The following SYNE3 variants were observed in gnomAD, a reference collection of about 807,000 sequenced individuals.
The protein encoded by SYNE3 is nesprin-3.
In SYNE3, 100 loss-of-function variants were observed where a neutral mutation model predicts 111.2. That is an observed-to-expected ratio of 0.90 (90% CI 0.77 to 1.06). The LOEUF is 1.06. Ranked by LOEUF, SYNE3 falls within the 50% of genes least tolerant of loss-of-function variation. The probability of loss-of-function intolerance (pLI) is 0.00; values close to 1 mark genes in which losing one functional copy is unlikely to be tolerated. For missense variants in SYNE3, 1,160 were observed against 1,240.3 expected, an observed-to-expected ratio of 0.94 and a Z score of 0.97; for synonymous variants, 547 against 533.9, an observed-to-expected ratio of 1.02 and a Z score of -0.34.
intron 4 of SYNE3, among the ~76,000 whole-genome samples, chr14:95,464,118 G>T (rs1043679999): frequency 6.6e-6 from 1 of 152,162 alleles, no homozygotes; most frequent in African/African-American, 2.4e-5. Context: ...CCCTTAAACT[G>T]TCAGCATGAA....
At chr14:95,428,965 C>T (rs375477019) in intron 17 of SYNE3, among the ~76,000 whole-genome samples, 1 of 152,114 alleles carries the variant, frequency 6.6e-6, no homozygotes, top group South Asian at 2.1e-4. Flanking sequence ...TCCCCTTAGA[C>T]CAAAAATAAT....
At chr14:95,514,940 A>T (rs1890861199) in intron 1 of SYNE3, among the ~76,000 whole-genome samples, 1 of 152,236 alleles carries the variant, frequency 6.6e-6, no homozygotes, top group African/African-American at 2.4e-5. Flanking sequence ...TGGCTGCTGG[A>T]GAGCATGCAA....
At chr14:95,450,903 A>G (rs1224521237) in intron 7 of SYNE3, 1 of 152,218 alleles carries the variant, frequency 6.6e-6, no homozygotes, top group Admixed American at 6.5e-5. Context: ...TCTTCCAGTA[A>G]CGGAAAAATA....
Position 95,443,258 on chromosome 14 carries a change from G to T in SYNE3, c.1808C>A (p.Ala603Glu). The change falls in exon 11 of 18, where the codon GCA (alanine) becomes GAA (glutamate). Residue 603 changes from alanine to glutamate, a missense_variant. Coordinates refer to ENST00000682763, the MANE Select transcript of SYNE3 (RefSeq NM_152592.6). ...CAGAGGCCTTGCAGCCTCCATCTGT[G>T]CCCCCAAGTCCAGCCCCTCTTCCTG... ...GLQEEGLDLG[A>E]QMEAARPLVQ... is the part of the protein sequence containing the mutation. The T allele has an allele frequency of 1.2e-6, 2 of 1,614,214 alleles. No individual in the cohort carries two copies. The highest frequency in any genetic ancestry group is 4.5e-5 in the East Asian group (2 of 44,880).
At position 95,491,857 on chromosome 14, in the gene SYNE3, C is replaced by T. The variant is rs112973125; in HGVS notation, c.-14-16022G>A. Among the ~76,000 whole-genome samples, 967 of 150,084 alleles carry T rather than the reference C, an allele frequency of 6.4e-3. 13 individuals are homozygous for T. The highest frequency in any genetic ancestry group is 0.022 in the African/African-American group (913 of 41,008). On this transcript the variant is annotated intron_variant, in intron 1 of 17. Coordinates refer to ENST00000682763, the MANE Select transcript of SYNE3 (RefSeq NM_152592.6). ...ACAAAATTTTTGCAAATCACATATC[C>T]GATAAGGGACTTACATCTAGAAAAT... is the stretch of plus-strand genomic sequence containing the variant.
Position 95,414,402 on chromosome 14 carries a change from G to C in SYNE3, c.*3424C>G, listed in dbSNP as rs779051754. On this transcript the variant is annotated 3_prime_UTR_variant, in exon 18 of 18. Transcript: ENST00000682763. ...GCTCAAGCACCCACGAGCACCAAACGAGCACATTCTTTGTCTCCCTTGTCG... is the reference window on the plus strand; with the variant it reads ...GCTCAAGCACCCACGAGCACCAAACCAGCACATTCTTTGTCTCCCTTGTCG... 1 of 152,148 alleles carries C rather than the reference G, an allele frequency of 6.6e-6. No individual in the cohort carries two copies. The highest frequency in any genetic ancestry group is 1.5e-5 in the Non-Finnish European group (1 of 68,030). 9.4% of individuals were successfully genotyped at this position (152,148 alleles called of 1,614,324 possible).
chr14:95,419,669 AT>A (rs1335175421), intron 17 of SYNE3, among the ~76,000 whole-genome samples: 4 of 118,172 alleles, frequency 3.4e-5, no homozygotes, highest in African/African-American at 1.3e-4. Context: ...GTGATGCTTG[AT>A]GATGGTGGTG....
intron 1 of SYNE3, among the ~76,000 whole-genome samples, chr14:95,479,054 G>A (rs1235766212): frequency 1.3e-5 from 2 of 152,036 alleles, no homozygotes; most frequent in Non-Finnish European, 2.9e-5. Context: ...CTCTCTGGGT[G>A]TCCATATTCT....
intron 1 of SYNE3, among the ~76,000 whole-genome samples, chr14:95,484,533 G>A (rs941201475): frequency 6.6e-6 from 1 of 152,208 alleles, no homozygotes; most frequent in African/African-American, 2.4e-5. Context: ...AGAGCACTGA[G>A]CAGGGTACCA....
At chr14:95,445,830 T>C (rs1886679594) in intron 9 of SYNE3, 79 bp downstream of exon 9, 1 of 1,500,330 alleles carries the variant, frequency 6.7e-7, no homozygotes, top group East Asian at 2.3e-5. Context: ...GTTTAGAACA[T>C]AAGGCCATCT....
In SYNE3 at chr14:95,445,107, T is replaced by G. The variant is rs1886636578; in HGVS notation, c.1633-479A>C. Reference sequence around the variant, plus strand: ...TCTAGTAATTGCCTACTTATTTGTGTCTACCAGCAAAAGCTGTGAGTGTTT... The same window carrying G: ...TCTAGTAATTGCCTACTTATTTGTGGCTACCAGCAAAAGCTGTGAGTGTTT... On this transcript the variant is annotated intron_variant, in intron 9 of 17. Transcript: ENST00000682763. Among the ~76,000 whole-genome samples, 5 of 152,214 alleles carry G rather than the reference T, an allele frequency of 3.3e-5. 1 individual carries two copies. The South Asian group carries it at 1.0e-3, about 32-fold the overall frequency.
intron 10 of SYNE3, 29 bp downstream of exon 10, chr14:95,444,456 G>T (rs760783647): frequency 2.5e-6 from 4 of 1,582,084 alleles, no homozygotes; most frequent in Non-Finnish European, 3.4e-6. Flanking sequence ...ACCTGGGCAG[G>T]AGTGATTCAG....
chr14:95,477,631 G>A (rs17092489), intron 1 of SYNE3, among the ~76,000 whole-genome samples: 10,066 of 152,266 alleles, frequency 0.066, 612 homozygotes, highest in African/African-American at 0.16. Context: ...TCAGACGCGT[G>A]CTGGGCCAAA....
At chr14:95,471,020 C>T (rs902497770) in intron 2 of SYNE3, among the ~76,000 whole-genome samples, 1 of 152,048 alleles carries the variant, frequency 6.6e-6, no homozygotes, top group Admixed American at 6.6e-5. Context: ...ATTTCTGATT[C>T]CCAGAAATGT....
chr14:95,448,128 G>A (rs1886825366), intron 8 of SYNE3, among the ~76,000 whole-genome samples: 2 of 152,300 alleles, frequency 1.3e-5, no homozygotes, highest in Middle Eastern at 3.4e-3. Context: ...TATAGAACTT[G>A]ATCCCAAATA....
At chr14:95,435,877 A>T (rs1474217089) in intron 15 of SYNE3, among the ~76,000 whole-genome samples, 1 of 152,188 alleles carries the variant, frequency 6.6e-6, no homozygotes, top group African/African-American at 2.4e-5. Flanking sequence ...CTGCAGGATG[A>T]GCCATGACCT....
intron 2 of SYNE3, among the ~76,000 whole-genome samples, chr14:95,474,680 G>T (rs1032780118): frequency 6.6e-6 from 1 of 152,222 alleles, no homozygotes; most frequent in African/African-American, 2.4e-5. Context: ...GATGAGGATT[G>T]TTAATTCCCA....
rs371769702 is a variant in SYNE3, at chr14:95,447,228, G to A, written c.1450-1137C>T. 1.3e-4 allele frequency among the ~76,000 whole-genome samples: 20 copies of A among 151,778 alleles called. No homozygotes were observed. In the South Asian group the frequency reaches 3.6e-3, roughly 27 times the overall value. On this transcript the variant is annotated intron_variant, in intron 8 of 17. Transcript: ENST00000682763. Reference sequence around the variant, plus strand: ...AGCTCACTGCAAGCTTCACCTCCTGGGTTCACGCCATTCTCCTGCCTCAGC... The same window carrying A: ...AGCTCACTGCAAGCTTCACCTCCTGAGTTCACGCCATTCTCCTGCCTCAGC...
chr14:95,440,144 C>T, intron 11 of SYNE3, 69 bp from the exon 12 acceptor site: 1 of 1,509,682 alleles, frequency 6.6e-7, no homozygotes, highest in African/African-American at 1.4e-5. Flanking sequence ...CGCACCACCC[C>T]CACCCTGCAG....
Sources: allele counts gnomAD v4.1 joint callset (sites outside exome capture counted in the v4.1 genomes callset), GRCh38; gene constraint gnomAD v4.1.1; transcripts MANE v1.5; gene names NCBI Gene and HGNC (gene_info 2026-07-23, HGNC 2026-07-21).